The following PPP1R12C variants were observed in gnomAD, a reference collection of about 807,000 sequenced individuals.
The protein encoded by PPP1R12C is protein phosphatase 1 regulatory subunit 12C, also known as leukocyte receptor cluster (LRC) encoded novel gene 3.
Under a neutral mutation model 95.6 loss-of-function variants are expected in PPP1R12C, and 48 were observed. The observed-to-expected ratio is 0.50, with a 90% CI of 0.40 to 0.64. The LOEUF (loss-of-function observed/expected upper bound fraction) is 0.64, where lower values mean the gene tolerates loss of function less well. Ranked by LOEUF, PPP1R12C falls within the 30% of genes least tolerant of loss-of-function variation. The pLI, the probability that PPP1R12C is intolerant of heterozygous loss-of-function variation, is 0.00. For synonymous variants in PPP1R12C, 480 were observed against 460.8 expected (o/e 1.04, Z -0.53); for missense variants, 1,057 against 1,083.3 (o/e 0.98, Z 0.34).
rs369646112 is a variant in PPP1R12C, at chr19:55,095,482, G to A, written c.1349C>T (p.Ser450Leu). Residue 450 changes from serine (S) to leucine (L), a missense_variant, in exon 10 of 22, where the codon TCG (serine) becomes TTG (leucine). By Grantham distance (145) the Ser-to-Leu change is moderately radical. Around this residue, in one of 5 missense-constraint regions of PPP1R12C, gnomAD observed 356 missense variants for 330.5 expected, o/e 1.08. Transcript: ENST00000263433. ...CCCTTCCAGCCAGGAGGAGGAAGCC[G>A]AGCGCTGCAGCCCAGCCCCAGGGGC... ...EGAPGAGLQR[S>L]ASSSWLEGTS... The A allele has an allele frequency of 1.9e-5, 29 of 1,565,096 alleles. No individual in the cohort carries two copies. The highest frequency in any genetic ancestry group is 3.3e-4 in the Middle Eastern group (2 of 6,028).
intron 6 of PPP1R12C, 137 bp downstream of exon 6, chr19:55,098,646 TG>T: frequency 9.4e-7 from 1 of 1,065,798 alleles, no homozygotes; most frequent in Non-Finnish European, 1.4e-6. Flanking sequence ...GGGCTGGGGC[TG>T]GGTCACCAAG....
chr19:55,113,742 G>A (rs1008869221), intron 1 of PPP1R12C: 22 of 466,068 alleles, frequency 4.7e-5, no homozygotes, highest in African/African-American at 1.4e-4. Flanking sequence ...ATGGAAACTC[G>A]GGCTGTGAAG....
chr19:55,105,070 C>CTT (rs60663683), intron 3 of PPP1R12C, among the ~76,000 whole-genome samples: 37 of 142,010 alleles, frequency 2.6e-4, no homozygotes, highest in African/African-American at 7.5e-4. Flanking sequence ...GCATCTGACC[C>CTT]TTTTTTTTTT....
rs1205185628 is a variant in PPP1R12C, at chr19:55,095,485, C to T, written c.1346G>A (p.Arg449His). The T allele has an allele frequency of 3.8e-6, 6 of 1,565,894 alleles. No homozygotes were observed. Among genetic ancestry groups the T allele is most frequent in the South Asian group, 1.2e-5 (1 of 85,260 alleles). Residue 449 changes from arginine (R) to histidine (H), a missense_variant, in exon 10 of 22, where the codon CGC becomes CAC. Around this residue, in one of 5 missense-constraint regions of PPP1R12C, gnomAD observed 356 missense variants for 330.5 expected, o/e 1.08. Coordinates refer to ENST00000263433, the MANE Select transcript of PPP1R12C (RefSeq NM_017607.4). Reference protein sequence around the residue: ...AEGAPGAGLQRSASSSWLEGT... With the variant: ...AEGAPGAGLQHSASSSWLEGT... ...TTCCAGCCAGGAGGAGGAAGCCGAG[C>T]GCTGCAGCCCAGCCCCAGGGGCTCC... is the stretch of plus-strand genomic sequence containing the variant.
rs746483392 is a variant in PPP1R12C at position 55,093,220 on chromosome 19, G to A, written c.1697C>T (p.Thr566Ile). The A allele has an allele frequency of 6.9e-5, 112 of 1,613,142 alleles. No individual in the cohort carries two copies. The highest frequency in any genetic ancestry group is 2.2e-4 in the Admixed American group (13 of 59,950). The change falls in exon 14 of 22, where the codon ACA (threonine) becomes ATA (isoleucine). Residue 566 changes from threonine to isoleucine, a missense_variant. Around this residue, in one of 5 missense-constraint regions of PPP1R12C, gnomAD observed 347 missense variants for 307.9 expected, o/e 1.13. Transcript: ENST00000263433. ...SRRSTQGVTLTDLKEAEKAAG... is the reference protein window; with the variant it reads ...SRRSTQGVTLIDLKEAEKAAG... ...AGCCTTCTCTGCCTCCTTCAGGTCT[G>A]TAAGAGTCACACCCTGGCAGGGAAA...
At chr19:55,113,643 G>C in intron 1 of PPP1R12C, 1 of 1,236,544 alleles carries the variant, frequency 8.1e-7, no homozygotes, top group South Asian at 2.9e-5. Flanking sequence ...AGATCCACGG[G>C]ATAAATTACC....
chr19:55,101,904 T>C (rs1304097195), intron 4 of PPP1R12C, among the ~76,000 whole-genome samples: 3 of 152,002 alleles, frequency 2.0e-5, no homozygotes, highest in African/African-American at 4.8e-5. Context: ...TTACAGGTGC[T>C]AAGCCGAAGG....
At position 55,091,483 on chromosome 19, in the gene PPP1R12C, G is replaced by C. The variant is rs530315073; in HGVS notation, c.2338C>G (p.Leu780Val). ...AAAGTCCCTCCGGGTCACTTGGAGA[G>C]TTTGCTGATGACGCGGATCAACGCT... The part of the protein sequence containing the change: ...NAALIRVISK[L>V]SK The change falls in exon 22 of 22, where the codon CTC (leucine) becomes GTC (valine). Residue 780 changes from leucine to valine, a missense_variant. Coordinates refer to ENST00000263433, the MANE Select transcript of PPP1R12C (RefSeq NM_017607.4). 3.1e-6 allele frequency: 5 copies of C among 1,614,012 alleles called. No homozygotes were observed. The South Asian group carries it at 5.5e-5, about 18-fold the overall frequency.
At chr19:55,097,492 A>C (rs2084932777) in intron 6 of PPP1R12C, among the ~76,000 whole-genome samples, 2 of 107,674 alleles carry the variant, frequency 1.9e-5, no homozygotes, top group Non-Finnish European at 3.6e-5. Flanking sequence ...CGCGCAGTTC[A>C]CCACCGTCTT....
intron 4 of PPP1R12C, among the ~76,000 whole-genome samples, chr19:55,102,000 G>A (rs1208313219): frequency 6.6e-6 from 1 of 151,950 alleles, no homozygotes; most frequent in African/African-American, 2.4e-5. Context: ...GATGAGCAGA[G>A]ACAGGGAGGA....
intron 6 of PPP1R12C, among the ~76,000 whole-genome samples, chr19:55,098,297 G>A (rs1028235984): frequency 3.3e-5 from 5 of 152,246 alleles, no homozygotes; most frequent in Non-Finnish European, 5.9e-5. Context: ...GTGGCTGGCT[G>A]AGACTCACGG....
intron 19 of PPP1R12C, 48 bp downstream of exon 19, chr19:55,092,174 C>A (rs2084850188): frequency 6.7e-7 from 1 of 1,491,338 alleles, no homozygotes; most frequent in Non-Finnish European, 9.0e-7. Context: ...CTAAGCCCCA[C>A]CCAGGCGGCC....
chr19:55,108,894 C>A (rs748741928), intron 3 of PPP1R12C, among the ~76,000 whole-genome samples: 12 of 152,086 alleles, frequency 7.9e-5, no homozygotes, highest in Non-Finnish European at 1.8e-4. Context: ...TTAGTAGAGA[C>A]AGAGTTTCTC....
intron 6 of PPP1R12C, 124 bp from the exon 7 acceptor site, chr19:55,096,459 G>A: frequency 8.5e-7 from 1 of 1,177,814 alleles, no homozygotes. Flanking sequence ...TGGGCTTACT[G>A]GTTTTCCTAC....
intron 1 of PPP1R12C, chr19:55,113,300 C>A (rs1443160281): frequency 5.4e-6 from 5 of 920,584 alleles, no homozygotes; most frequent in Non-Finnish European, 7.6e-6. Flanking sequence ...GCCGTGGGCC[C>A]AGGGCTATGC....
intron 6 of PPP1R12C, among the ~76,000 whole-genome samples, chr19:55,098,080 C>T (rs1460319567): frequency 1.3e-5 from 2 of 152,226 alleles, no homozygotes; most frequent in Non-Finnish European, 2.9e-5. Flanking sequence ...CCTGCCCACG[C>T]ACCAGAAGCC....
In PPP1R12C at chr19:55,113,503, G is replaced by A. The variant is rs975878236; in HGVS notation, c.322-708C>T. 4.9e-5 allele frequency: 70 copies of A among 1,418,724 alleles called. No individual in the cohort carries two copies. In the African/African-American group the frequency reaches 9.3e-4, roughly 19 times the overall value. 87.9% of individuals were successfully genotyped at this position (1,418,724 alleles called of 1,614,324 possible). A position where few individuals can be genotyped will look rare whatever the true frequency, so the allele number is the denominator to read the frequency against. ...CACCGTTTCTCATTCTTCCCTTAGGGGTCCAAAACTTGGGGGGACAAAAGC... is the reference window on the plus strand; with the variant it reads ...CACCGTTTCTCATTCTTCCCTTAGGAGTCCAAAACTTGGGGGGACAAAAGC... On this transcript the variant is annotated intron_variant, in intron 1 of 21. Coordinates refer to ENST00000263433, the MANE Select transcript of PPP1R12C (RefSeq NM_017607.4).
rs1334751303 is a variant in PPP1R12C, at chr19:55,094,759, G to C, written c.1494C>G (p.Ser498=). Residue 498 remains serine, a synonymous_variant, in exon 12 of 22, where the codon TCC becomes TCG. Transcript: ENST00000263433. ...GCTCCGGAATCCTGGAGGGAGGCGA[G>C]GAGTTCTCCAAGCAAGGAGGAGGCT... ...VTKPPPCLEN[S]SPPSRIPEPE... is the part of the protein sequence containing the mutation. The C allele has an allele frequency of 6.2e-7, 1 of 1,606,562 alleles. No homozygotes were observed. The highest frequency in any genetic ancestry group is 1.3e-5 in the African/African-American group (1 of 74,888).
rs772932511 is a variant in PPP1R12C at position 55,091,144 on chromosome 19, G to C, written c.*328C>G. The C allele has an allele frequency of 5.2e-6, 2 of 382,412 alleles. No homozygotes were observed. Among genetic ancestry groups the C allele is most frequent in the African/African-American group, 4.1e-5 (2 of 48,376 alleles). 23.7% of individuals were successfully genotyped at this position (382,412 alleles called of 1,614,324 possible). A position where few individuals can be genotyped will look rare whatever the true frequency, so the allele number is the denominator to read the frequency against. ...GAGGGGTGACGGGGTGGCATCACAC[G>C]TGAGATGGGGACCTCCAGGCGGCCA... On this transcript the variant is annotated 3_prime_UTR_variant, in exon 22 of 22. Coordinates refer to ENST00000263433, the MANE Select transcript of PPP1R12C (RefSeq NM_017607.4).
Sources: gnomAD v4.1 joint callset for allele counts (sites outside exome capture counted in the v4.1 genomes callset) on GRCh38, gnomAD v4.1.1 for gene constraint, gnomAD v4.1.1 regional missense constraint, MANE v1.5 for transcripts, NCBI Gene and HGNC (gene_info 2026-07-23, HGNC 2026-07-21) for gene names.